SLC15A1: variants seen among roughly 807,000 people sequenced by gnomAD.
SLC15A1 encodes solute carrier family 15 member 1.
Under a neutral mutation model 92.9 loss-of-function variants are expected in SLC15A1, and 83 were observed. The observed-to-expected ratio is 0.89, with a 90% confidence interval of 0.75 to 1.07. SLC15A1 has a LOEUF of 1.07. Ranked by LOEUF, SLC15A1 falls within the 50% of genes least tolerant of loss-of-function variation. The pLI, the probability that SLC15A1 is intolerant of heterozygous loss-of-function variation, is 0.00. For missense variants in SLC15A1, 857 were observed against 880.1 expected (o/e 0.97, Z 0.33); for synonymous variants, 322 against 318.2 (o/e 1.01, Z -0.13).
At chr13:98,712,148 C>G (rs1406810681) in intron 10 of SLC15A1, among the ~76,000 whole-genome samples, 1 of 152,170 alleles carries the variant, frequency 6.6e-6, no homozygotes, top group Non-Finnish European at 1.5e-5. Flanking sequence ...GTGAAAACAT[C>G]TATTTAGGAG....
rs376835129 is a variant in SLC15A1 at position 98,706,129 on chromosome 13, C to T, written c.1269+5G>A. On this transcript the variant is annotated splice_donor_5th_base_variant and intron_variant, in intron 16 of 22. Coordinates refer to ENST00000376503, the MANE Select transcript of SLC15A1 (RefSeq NM_005073.4). ...AAAAGAAGGCAGCAATTTCCTTCTA[C>T]TTACTTGAGACATTGGGCCAAGTGT... is the stretch of plus-strand genomic sequence containing the variant. The T allele has an allele frequency of 6.2e-7, 1 of 1,604,726 alleles. No individual in the cohort carries two copies. The highest frequency in any genetic ancestry group is 8.5e-7 in the Non-Finnish European group (1 of 1,177,996).
rs773218519 is a variant in SLC15A1, at chr13:98,726,218, G to A, written c.150C>T (p.Asn50=). The change falls in exon 4 of 23, where the codon AAC becomes AAT. Residue 50 remains asparagine, a synonymous_variant. Transcript: ENST00000376503. ...YFTNFISWDD[N]LSTAIYHTFV... is the part of the protein sequence containing the mutation. ...ACGTATGGTAGATGGCGGTGGACAG[G>A]TTATCATCCCAGCTGATGAAATTTG... is the stretch of plus-strand genomic sequence containing the variant. 4 of 1,613,994 alleles carry A rather than the reference G, an allele frequency of 2.5e-6. No homozygotes were observed. The highest frequency in any genetic ancestry group is 4.5e-5 in the East Asian group (2 of 44,890).
At chr13:98,732,778 C>T (rs1483222706) in intron 1 of SLC15A1, among the ~76,000 whole-genome samples, 1 of 152,056 alleles carries the variant, frequency 6.6e-6, no homozygotes, top group African/African-American at 2.4e-5. Context: ...CTACCATTAC[C>T]AAGAGTGAAA....
chr13:98,721,567 A>G lies in SLC15A1; in HGVS notation c.484T>C (p.Phe162Leu). 6.2e-7 allele frequency: 1 copy of G among 1,605,986 alleles called. No individual in the cohort carries two copies. Among genetic ancestry groups the G allele is most frequent in the South Asian group, 1.1e-5 (1 of 90,324 alleles). ...EEGQEKQRNR[F>L]FSIFYLAINA... is the part of the protein sequence containing the mutation. ...ATAGCCAAGTAAAAGATGGAAAAAA[A>G]TCTGTTTCTTTGTTTCTCCTGCAAT... is the stretch of plus-strand genomic sequence containing the variant. Residue 162 changes from phenylalanine (F) to leucine (L), a missense_variant, in exon 7 of 23, where the codon TTT (phenylalanine) becomes CTT (leucine). Phe to Leu is a conservative substitution (Grantham distance 22). Transcript: ENST00000376503.
intron 17 of SLC15A1, 108 bp downstream of exon 17, chr13:98,704,181 T>A: frequency 1.0e-6 from 1 of 965,094 alleles, no homozygotes; most frequent in South Asian, 2.7e-5. Flanking sequence ...AAATTGAGGA[T>A]GATCTAATAT....
At chr13:98,700,509 G>T (rs1019174384) in intron 18 of SLC15A1, among the ~76,000 whole-genome samples, 3 of 52,382 alleles carry the variant, frequency 5.7e-5, no homozygotes, top group African/African-American at 1.5e-4. Flanking sequence ...AAAAAAAAAG[G>T]GTGACATCGA....
At chr13:98,721,155 C>A (rs774579750) in intron 7 of SLC15A1, 1 of 520,804 alleles carries the variant, frequency 1.9e-6, no homozygotes. Context: ...GCTAAAATGG[C>A]AGCTACGGCC....
At chr13:98,702,673 A>G in intron 17 of SLC15A1, 144 bp from the exon 18 acceptor site, 2 of 682,112 alleles carry the variant, frequency 2.9e-6, no homozygotes, top group Non-Finnish European at 2.6e-6. Flanking sequence ...AGGGCTCTGG[A>G]GGCCGGGCAC....
intron 1 of SLC15A1, among the ~76,000 whole-genome samples, chr13:98,730,086 C>T (rs2088335194): frequency 6.6e-6 from 1 of 151,766 alleles, no homozygotes; most frequent in Non-Finnish European, 1.5e-5. Flanking sequence ...ATGCCAGCTA[C>T]TCAGGAGGCT....
At chr13:98,719,950 T>TTA (rs1386407051) in intron 7 of SLC15A1, among the ~76,000 whole-genome samples, 2 of 151,724 alleles carry the variant, frequency 1.3e-5, no homozygotes, top group Non-Finnish European at 2.9e-5. Flanking sequence ...ATCCCAGGAT[T>TTA]TATATATATA....
chr13:98,715,421 C>T (rs2088205089), intron 9 of SLC15A1, among the ~76,000 whole-genome samples: 1 of 152,216 alleles, frequency 6.6e-6, no homozygotes, highest in African/African-American at 2.4e-5. Context: ...GATCCGCCCG[C>T]CTAGGCCTCC....
At chr13:98,685,721 A>C (rs985045383) in intron 22 of SLC15A1, among the ~76,000 whole-genome samples, 1 of 152,212 alleles carries the variant, frequency 6.6e-6, no homozygotes, top group Non-Finnish European at 1.5e-5. Context: ...GGCCAGGTGC[A>C]GTGGCTCACA....
Position 98,745,739 on chromosome 13 carries a change from A to C in SLC15A1, c.4+6856T>G, listed in dbSNP as rs367878099. 1.0e-3 allele frequency among the ~76,000 whole-genome samples: 154 copies of C among 152,280 alleles called. 2 individuals are homozygous for C. The highest frequency in any genetic ancestry group is 3.1e-3 in the African/African-American group (129 of 41,570). ...TGGGCTCCCAGCCTCCAGGACTGTG[A>C]GAGAAGACTTTTCTGTTGTTTCAAA... On this transcript the variant is annotated intron_variant, in intron 1 of 22. Transcript: ENST00000376503.
chr13:98,693,958 T>C (rs2088002455), intron 18 of SLC15A1, among the ~76,000 whole-genome samples: 1 of 152,200 alleles, frequency 6.6e-6, no homozygotes, highest in Non-Finnish European at 1.5e-5. Flanking sequence ...TCCACAATGA[T>C]AGAAGGCCAC....
chr13:98,729,007 C>CCCCAAAAAAAAAAAAAAA (rs2088326356), intron 1 of SLC15A1, among the ~76,000 whole-genome samples: 1 of 69,654 alleles, frequency 1.4e-5, no homozygotes, highest in Non-Finnish European at 2.9e-5. Flanking sequence ...AAAAAAAAAA[C>CCCCAAAAAAAAAAAAAAA]AACAAGCCCC....
chr13:98,722,645 A>G (rs1230881011), intron 5 of SLC15A1, among the ~76,000 whole-genome samples: 1 of 152,226 alleles, frequency 6.6e-6, no homozygotes, highest in Admixed American at 6.5e-5. Context: ...AGATAAAGTC[A>G]AGGAAAATAT....
intron 1 of SLC15A1, 63 bp from the exon 2 acceptor site, chr13:98,726,922 A>T (rs1566454930): frequency 1.3e-6 from 2 of 1,549,696 alleles, no homozygotes; most frequent in Admixed American, 3.3e-5. Context: ...TGCTGTGTCT[A>T]AACTCAGAGC....
At chr13:98,701,971 G>A (rs1254271177) in intron 18 of SLC15A1, among the ~76,000 whole-genome samples, 2 of 151,938 alleles carry the variant, frequency 1.3e-5, no homozygotes, top group African/African-American at 2.4e-5. Flanking sequence ...CACCACACCC[G>A]GCCAATTGGA....
intron 18 of SLC15A1, among the ~76,000 whole-genome samples, chr13:98,693,125 T>C (rs540465750): frequency 2.2e-4 from 30 of 137,056 alleles, no homozygotes; most frequent in African/African-American, 6.6e-4. Flanking sequence ...GAGACGGAGT[T>C]TCAATCTTGT....
Sources: gnomAD v4.1 joint callset for allele counts (sites outside exome capture counted in the v4.1 genomes callset) on GRCh38, gnomAD v4.1.1 for gene constraint, MANE v1.5 for transcripts, NCBI Gene and HGNC (gene_info 2026-07-23, HGNC 2026-07-21) for gene names.